EYS: variants seen among roughly 807,000 people sequenced by gnomAD.
The protein encoded by EYS is EGF-like photoreceptor maintenance factor.
EYS carries 250 observed loss-of-function variants against 282.1 expected under a neutral mutation model. That is an observed-to-expected ratio of 0.89 (90% CI 0.80 to 0.98). The LOEUF (loss-of-function observed/expected upper bound fraction) is 0.98, where lower values mean the gene tolerates loss of function less well. EYS is among the 50% of genes least tolerant of loss of function. The pLI is 0.00. For missense variants in EYS, 4,016 were observed against 3,709.0 expected (o/e 1.08, Z -2.15); for synonymous variants, 1,355 against 1,282.9 (o/e 1.06, Z -1.20).
intron 31 of EYS, among the ~76,000 whole-genome samples, chr6:64,108,183 G>A (rs146370214): frequency 1.6e-4 from 24 of 152,210 alleles, no homozygotes; most frequent in Non-Finnish European, 2.6e-4. Flanking sequence ...AAAGTGTGAG[G>A]ACCCTCCTAT....
At chr6:63,830,500 C>T (rs971051079) in intron 36 of EYS, among the ~76,000 whole-genome samples, 3 of 151,970 alleles carry the variant, frequency 2.0e-5, no homozygotes, top group African/African-American at 4.8e-5. Flanking sequence ...TGAAATGAAG[C>T]AAGAAGAGAA....
chr6:65,400,897 A>C (rs929910179), intron 7 of EYS, among the ~76,000 whole-genome samples: 5 of 151,852 alleles, frequency 3.3e-5, no homozygotes, highest in Admixed American at 6.6e-5. Flanking sequence ...GTATAAGACA[A>C]TTTCCCTCAT....
At position 63,808,152 on chromosome 6, in the gene EYS, G is replaced by A. The variant is rs150538846; in HGVS notation, c.7229-1780C>T. Among the ~76,000 whole-genome samples, 3 of 152,282 alleles carry A rather than the reference G, an allele frequency of 2.0e-5. No homozygotes were observed. The East Asian group carries it at 5.8e-4, about 29-fold the overall frequency. ...AGCACTAGTCACTCAAGGGATTAGTGTGAAGTCAATACATTTATTCAGCTG... is the reference window on the plus strand; with the variant it reads ...AGCACTAGTCACTCAAGGGATTAGTATGAAGTCAATACATTTATTCAGCTG... On this transcript the variant is annotated intron_variant, in intron 36 of 42. Coordinates refer to ENST00000503581, the MANE Select transcript of EYS (RefSeq NM_001142800.2).
chr6:63,809,271 C>A (rs1243206923), intron 36 of EYS, among the ~76,000 whole-genome samples: 1 of 152,144 alleles, frequency 6.6e-6, no homozygotes, highest in Non-Finnish European at 1.5e-5. Context: ...AGACTTTCAA[C>A]CTTACAAATC....
chr6:65,481,724 AT>A (rs1222536176), intron 5 of EYS, among the ~76,000 whole-genome samples: 22 of 151,842 alleles, frequency 1.4e-4, no homozygotes, highest in Admixed American at 1.4e-3. Context: ...AATTTTTTGT[AT>A]TTTTATTTTT....
intron 22 of EYS, among the ~76,000 whole-genome samples, chr6:64,779,762 C>T (rs1773801463): frequency 6.6e-6 from 1 of 152,116 alleles, no homozygotes; most frequent in Admixed American, 6.6e-5. Context: ...CTTCCCACTT[C>T]TCACTCAATA....
At chr6:63,853,262 G>A (rs538145497) in intron 36 of EYS, among the ~76,000 whole-genome samples, 1 of 152,240 alleles carries the variant, frequency 6.6e-6, no homozygotes, top group South Asian at 2.1e-4. Flanking sequence ...ATCTCCTTAG[G>A]CTGATAAGCA....
At chr6:65,329,167 G>T (rs373356223) in intron 11 of EYS, 2 of 183,680 alleles carry the variant, frequency 1.1e-5, no homozygotes, top group African/African-American at 4.8e-5. Context: ...GCTATAATAC[G>T]GTCAAACTTT....
chr6:65,278,536 C>T (rs1314173210), intron 12 of EYS, among the ~76,000 whole-genome samples: 2 of 151,544 alleles, frequency 1.3e-5, no homozygotes, highest in Non-Finnish European at 2.9e-5. Context: ...ATTGACTCTA[C>T]TTTTTATTTC....
chr6:65,151,671 T>C (rs1357825224), intron 12 of EYS, among the ~76,000 whole-genome samples: 2 of 152,052 alleles, frequency 1.3e-5, no homozygotes, highest in East Asian at 3.9e-4. Flanking sequence ...CGTGCTATTT[T>C]GTTTTAAATA....
At chr6:63,832,435 C>T (rs926480308) in intron 36 of EYS, among the ~76,000 whole-genome samples, 4 of 152,206 alleles carry the variant, frequency 2.6e-5, no homozygotes, top group African/African-American at 9.7e-5. Context: ...ATACTATAAA[C>T]ACCTCTATGC....
At chr6:64,773,219 G>A (rs552265329) in intron 22 of EYS, among the ~76,000 whole-genome samples, 15 of 151,988 alleles carry the variant, frequency 9.9e-5, no homozygotes, top group Middle Eastern at 3.4e-3. Flanking sequence ...ACTTATAAGT[G>A]AGAACATGTG....
At chr6:64,715,587 T>C (rs1771361700) in intron 22 of EYS, among the ~76,000 whole-genome samples, 1 of 152,206 alleles carries the variant, frequency 6.6e-6, no homozygotes, top group Non-Finnish European at 1.5e-5. Context: ...CCTTCCAAGT[T>C]TGGGGGTTTT....
At chr6:64,821,445 A>G (rs1186645303) in intron 21 of EYS, among the ~76,000 whole-genome samples, 200 bp downstream of exon 21, 14 of 151,660 alleles carry the variant, frequency 9.2e-5, no homozygotes, top group Admixed American at 6.6e-4. Flanking sequence ...AGAGACAAAG[A>G]AAGAAAAGGT....
At chr6:64,551,638 G>A (rs1167176339) in intron 26 of EYS, among the ~76,000 whole-genome samples, 11 of 150,662 alleles carry the variant, frequency 7.3e-5, no homozygotes, top group Admixed American at 7.3e-4. Flanking sequence ...CTGGGTTCAA[G>A]CTATTCTCCT....
chr6:65,632,900 A>G (rs1375566470), intron 2 of EYS, among the ~76,000 whole-genome samples: 2 of 152,180 alleles, frequency 1.3e-5, no homozygotes, highest in Non-Finnish European at 2.9e-5. Flanking sequence ...ACTAGTAAAT[A>G]GGGATAAATT....
chr6:63,729,302 A>C (rs932456926), intron 41 of EYS, among the ~76,000 whole-genome samples: 1 of 152,070 alleles, frequency 6.6e-6, no homozygotes, highest in Non-Finnish European at 1.5e-5. Context: ...TGTCTTTGAC[A>C]GATTAGTTTT....
intron 33 of EYS, among the ~76,000 whole-genome samples, chr6:64,049,370 G>A (rs1396972633): frequency 6.6e-6 from 1 of 152,248 alleles, no homozygotes; most frequent in East Asian, 1.9e-4. Flanking sequence ...GCAGAGATGA[G>A]CACATTTCAC....
chr6:64,992,829 T>C (rs1388325903), intron 14 of EYS, among the ~76,000 whole-genome samples: 2 of 151,952 alleles, frequency 1.3e-5, no homozygotes, highest in Non-Finnish European at 2.9e-5. Context: ...AGCAGTTGGA[T>C]TGATTCCGCA....
Sources: allele counts gnomAD v4.1 joint callset (sites outside exome capture counted in the v4.1 genomes callset), GRCh38; gene constraint gnomAD v4.1.1; transcripts MANE v1.5; gene names NCBI Gene and HGNC (gene_info 2026-07-23, HGNC 2026-07-21).